The following TRIM16 variants were observed in gnomAD, a reference collection of about 807,000 sequenced individuals.
The protein encoded by TRIM16 is tripartite motif-containing protein 16.
Under a neutral mutation model 50.4 loss-of-function variants are expected in TRIM16, and 33 were observed. That is an observed-to-expected ratio of 0.65 (90% confidence interval 0.50 to 0.88). The LOEUF is 0.88. Ranked by LOEUF, TRIM16 falls within the 40% of genes least tolerant of loss-of-function variation. The probability of loss-of-function intolerance (pLI) is 0.00; values close to 1 mark genes in which losing one functional copy is unlikely to be tolerated. For synonymous variants in TRIM16, 229 were observed against 270.7 expected (o/e 0.85, Z 1.51); for missense variants, 581 against 686.8 (o/e 0.85, Z 1.72).
intron 6 of TRIM16, among the ~76,000 whole-genome samples, chr17:15,653,113 G>T (rs963003312): frequency 6.6e-6 from 1 of 152,140 alleles, no homozygotes; most frequent in African/African-American, 2.4e-5. Flanking sequence ...GTGAGTTCTC[G>T]TTCTATCAAT....
At chr17:15,644,542 C>T (rs1987267516) in intron 7 of TRIM16, among the ~76,000 whole-genome samples, 1 of 152,150 alleles carries the variant, frequency 6.6e-6, no homozygotes, top group Non-Finnish European at 1.5e-5. Flanking sequence ...GATTACATCA[C>T]TGGCCATTGG....
intron 8 of TRIM16, among the ~76,000 whole-genome samples, chr17:15,642,390 T>TTTTGGACC (rs2150909204): frequency 6.7e-6 from 1 of 148,970 alleles, no homozygotes; most frequent in South Asian, 2.2e-4. Flanking sequence ...AACGTATAGT[T>TTTTGGACC]TTTGGACCTC....
At chr17:15,657,437 T>C (rs1436134750) in intron 6 of TRIM16, among the ~76,000 whole-genome samples, 1 of 152,236 alleles carries the variant, frequency 6.6e-6, no homozygotes, top group Non-Finnish European at 1.5e-5. Context: ...GTTCAGTGGC[T>C]TTAAGTACAT....
rs768629423 is a variant in TRIM16, at chr17:15,628,618, G to C, written c.1692C>G (p.Pro564=). 14 of 1,602,312 alleles carry C rather than the reference G, an allele frequency of 8.7e-6. No homozygotes were observed. Among genetic ancestry groups the C allele is most frequent in the South Asian group, 1.1e-5 (1 of 89,878 alleles). ...KPAPSLVGTA[P] ...TCTGGGATATGGCTCCTGGAGTCTA[G>C]GGAGCAGTCCCCACCAAGGACGGTG... is the stretch of plus-strand genomic sequence containing the variant. The change falls in exon 12 of 12, where the codon CCC becomes CCG. Residue 564 remains proline (P), a synonymous_variant. Coordinates refer to ENST00000649191, the MANE Select transcript of TRIM16 (RefSeq NM_001348119.1).
intron 9 of TRIM16, 144 bp from the exon 10 acceptor site, chr17:15,632,818 A>G: frequency 8.5e-7 from 1 of 1,173,584 alleles, no homozygotes; most frequent in South Asian, 2.1e-5. Flanking sequence ...TGAAGTGTCA[A>G]GCTCAGGGTC....
chr17:15,667,670 G>C (rs1988555456), intron 6 of TRIM16, among the ~76,000 whole-genome samples: 1 of 152,088 alleles, frequency 6.6e-6, no homozygotes. Context: ...TCTATGGAAA[G>C]AATAAATTCT....
chr17:15,682,751 G>C (rs1249377709), intron 3 of TRIM16, 103 bp downstream of exon 3: 21 of 1,119,224 alleles, frequency 1.9e-5, no homozygotes, highest in Non-Finnish European at 2.3e-5. Flanking sequence ...AGAAAGGCAG[G>C]TGGTATAATG....
intron 8 of TRIM16, among the ~76,000 whole-genome samples, chr17:15,639,803 C>T (rs1987034730): frequency 6.7e-6 from 1 of 149,118 alleles, no homozygotes; most frequent in Non-Finnish European, 1.5e-5. Context: ...GGGCCCCACC[C>T]AGGCCCCCCA....
At chr17:15,678,346 C>T (rs145868980) in intron 4 of TRIM16, among the ~76,000 whole-genome samples, 2,833 of 152,238 alleles carry the variant, frequency 0.019, 94 homozygotes, top group African/African-American at 0.065. Flanking sequence ...AACAGTGCTA[C>T]GAGCTGCTAA....
chr17:15,650,825 CAAG>C (rs1462426016), intron 7 of TRIM16, among the ~76,000 whole-genome samples: 4 of 152,144 alleles, frequency 2.6e-5, no homozygotes, highest in African/African-American at 4.8e-5. Context: ...AGGAAACTAG[CAAG>C]AAGGAGGAGA....
At chr17:15,668,156 G>T (rs912362827) in intron 6 of TRIM16, among the ~76,000 whole-genome samples, 1 of 152,120 alleles carries the variant, frequency 6.6e-6, no homozygotes, top group African/African-American at 2.4e-5. Flanking sequence ...CACTCCGTGG[G>T]ACCACTGTGC....
chr17:15,650,549 C>A lies in TRIM16; in HGVS notation c.519+542G>T, dbSNP rs371803655. Among the ~76,000 whole-genome samples the A allele has an allele frequency of 4.6e-5, 7 of 152,176 alleles. No homozygotes were observed. In the East Asian group the frequency reaches 1.3e-3, roughly 29 times the overall value. ...TATACCTGGACCTAAGTTTCAAATT[C>A]TCTGCTATCTTAGCACTTTTCAAGC... On this transcript the variant is annotated intron_variant, in intron 7 of 11. Coordinates refer to ENST00000649191, the MANE Select transcript of TRIM16 (RefSeq NM_001348119.1).
intron 4 of TRIM16, among the ~76,000 whole-genome samples, 175 bp from the exon 5 acceptor site, chr17:15,677,896 A>G (rs1989014809): frequency 1.3e-5 from 2 of 152,220 alleles, no homozygotes; most frequent in African/African-American, 2.4e-5. Flanking sequence ...TTTGTTTTAC[A>G]GTAATTTTAT....
chr17:15,667,628 C>T (rs2601966), intron 6 of TRIM16, among the ~76,000 whole-genome samples: 10 of 152,062 alleles, frequency 6.6e-5, no homozygotes, highest in South Asian at 2.1e-4. Context: ...GACTTCTCTT[C>T]GAATGCTTCT....
intron 6 of TRIM16, among the ~76,000 whole-genome samples, chr17:15,667,168 A>G (rs1022193792): frequency 1.4e-4 from 21 of 152,120 alleles, no homozygotes; most frequent in African/African-American, 4.8e-4. Context: ...TGTGAGGTCA[A>G]AACTATTTTC....
chr17:15,658,771 T>C, intron 6 of TRIM16: 1 of 984,334 alleles, frequency 1.0e-6, no homozygotes, highest in South Asian at 4.7e-5. Context: ...ATCACTCCTC[T>C]AGAAACCAGC....
intron 11 of TRIM16, among the ~76,000 whole-genome samples, chr17:15,631,256 T>C (rs950720092): frequency 2.6e-5 from 4 of 152,224 alleles, no homozygotes; most frequent in South Asian, 2.1e-4. Flanking sequence ...AAAAAGGGCA[T>C]TGATGAAAGA....
At chr17:15,630,379 T>C (rs1425022813) in intron 11 of TRIM16, among the ~76,000 whole-genome samples, 2 of 152,216 alleles carry the variant, frequency 1.3e-5, no homozygotes, top group African/African-American at 2.4e-5. Context: ...TATATATTCA[T>C]GTGAGTGTTT....
At chr17:15,676,123 G>A (rs910916390) in intron 6 of TRIM16, among the ~76,000 whole-genome samples, 12 of 152,150 alleles carry the variant, frequency 7.9e-5, no homozygotes, top group African/African-American at 1.9e-4. Context: ...CACTGTTGCC[G>A]TTTTAGACAG....
Sources: allele counts gnomAD v4.1 joint callset (sites outside exome capture counted in the v4.1 genomes callset), GRCh38; gene constraint gnomAD v4.1.1; transcripts MANE v1.5; gene names NCBI Gene and HGNC (gene_info 2026-07-23, HGNC 2026-07-21).